The following KCNQ5 variants were observed in gnomAD, a reference collection of about 807,000 sequenced individuals.
KCNQ5 encodes potassium voltage-gated channel subfamily Q member 5, also known as potassium voltage-gated channel subfamily KQT member 5.
In KCNQ5, 30 loss-of-function variants were observed where a neutral mutation model predicts 98.2. The ratio of observed to expected loss-of-function variants is 0.31; its 90% CI spans 0.23 to 0.41. KCNQ5 has a LOEUF of 0.41. Among genes scored for constraint, KCNQ5 ranks in the 10% least tolerant of loss-of-function variants. The pLI is 1.00. For synonymous variants in KCNQ5, 458 were observed against 449.4 expected (o/e 1.02, Z -0.24); for missense variants, 835 against 1,182.5 (o/e 0.71, Z 4.31).
At chr6:72,923,540 G>T (rs1053256977) in intron 1 of KCNQ5, among the ~76,000 whole-genome samples, 2 of 152,096 alleles carry the variant, frequency 1.3e-5, no homozygotes, top group Non-Finnish European at 2.9e-5. Context: ...CTTCTTTTGA[G>T]AAATTTTTTT....
At chr6:73,001,583 G>A (rs1442414121) in intron 1 of KCNQ5, among the ~76,000 whole-genome samples, 1 of 152,172 alleles carries the variant, frequency 6.6e-6, no homozygotes, top group Non-Finnish European at 1.5e-5. Context: ...GCTTTTCCAA[G>A]TGTTTTCTGG....
chr6:72,718,781 T>A (rs1276308283), intron 1 of KCNQ5, among the ~76,000 whole-genome samples: 1 of 152,176 alleles, frequency 6.6e-6, no homozygotes, highest in Admixed American at 6.5e-5. Context: ...TTTGAAATAC[T>A]TTCATGCATT....
chr6:72,818,684 TA>T (rs1306245937), intron 1 of KCNQ5, among the ~76,000 whole-genome samples: 8 of 151,468 alleles, frequency 5.3e-5, no homozygotes, highest in African/African-American at 1.7e-4. Context: ...ATTTTTGAGA[TA>T]TTTTGGAACT....
intron 1 of KCNQ5, among the ~76,000 whole-genome samples, chr6:72,820,117 G>T (rs1775684243): frequency 6.6e-6 from 1 of 152,224 alleles, no homozygotes; most frequent in African/African-American, 2.4e-5. Context: ...CCACTCTGCA[G>T]TAAGAATTGT....
At chr6:72,999,607 T>C (rs1228526502) in intron 1 of KCNQ5, among the ~76,000 whole-genome samples, 1 of 152,230 alleles carries the variant, frequency 6.6e-6, no homozygotes, top group Non-Finnish European at 1.5e-5. Context: ...ACAGATGTCT[T>C]AATTTTTATG....
At chr6:72,955,141 AG>A (rs1766981932) in intron 1 of KCNQ5, among the ~76,000 whole-genome samples, 1 of 152,230 alleles carries the variant, frequency 6.6e-6, no homozygotes, top group African/African-American at 2.4e-5. Flanking sequence ...TATTTTCACA[AG>A]CAATTGTTCC....
At chr6:72,756,298 C>A (rs1199981296) in intron 1 of KCNQ5, among the ~76,000 whole-genome samples, 1 of 152,180 alleles carries the variant, frequency 6.6e-6, no homozygotes, top group African/African-American at 2.4e-5. Context: ...TTTTGTACAT[C>A]TTCTGGCTTT....
chr6:72,639,929 T>C (rs1394729139), intron 1 of KCNQ5, among the ~76,000 whole-genome samples: 2 of 152,082 alleles, frequency 1.3e-5, no homozygotes, highest in East Asian at 1.9e-4. Flanking sequence ...CCTGGAGTTA[T>C]GGTAAATAAA....
chr6:72,905,785 G>C (rs1196557481), intron 1 of KCNQ5, among the ~76,000 whole-genome samples: 1 of 152,118 alleles, frequency 6.6e-6, no homozygotes. Context: ...ACCAGCACCT[G>C]TTCCAGTAGA....
chr6:72,775,066 C>G (rs986675928), intron 1 of KCNQ5, among the ~76,000 whole-genome samples: 15 of 152,142 alleles, frequency 9.9e-5, no homozygotes, highest in Non-Finnish European at 4.4e-5. Flanking sequence ...ATCCAATGCA[C>G]AGCAACAGAA....
At chr6:73,135,864 A>T (rs2150461013) in intron 10 of KCNQ5, 1 of 152,336 alleles carries the variant, frequency 6.6e-6, no homozygotes, top group South Asian at 2.1e-4. Context: ...CTTCTCCCTG[A>T]GTCTTTACAT....
At chr6:73,090,500 A>G (rs965598380) in intron 5 of KCNQ5, among the ~76,000 whole-genome samples, 12 of 152,282 alleles carry the variant, frequency 7.9e-5, no homozygotes, top group Middle Eastern at 3.4e-3. Context: ...CAATGTATAG[A>G]AGGGTTTCTC....
At chr6:72,635,740 A>G (rs1054728172) in intron 1 of KCNQ5, among the ~76,000 whole-genome samples, 20 of 104,928 alleles carry the variant, frequency 1.9e-4, no homozygotes, top group African/African-American at 7.7e-4. Context: ...GTTTCTCCCC[A>G]TTTCTTTGTA....
intron 1 of KCNQ5, among the ~76,000 whole-genome samples, chr6:72,808,767 T>G (rs912495186): frequency 6.6e-6 from 1 of 151,878 alleles, no homozygotes; most frequent in African/African-American, 2.4e-5. Context: ...ACCAACATAG[T>G]GAAACCCAGT....
intron 1 of KCNQ5, among the ~76,000 whole-genome samples, chr6:72,867,163 T>A (rs1421135250): frequency 5.9e-5 from 9 of 152,216 alleles, no homozygotes; most frequent in African/African-American, 2.2e-4. Flanking sequence ...AGGAAATAAG[T>A]TACTGAATTG....
chr6:72,734,848 T>C (rs1262346123), intron 1 of KCNQ5, among the ~76,000 whole-genome samples: 2 of 152,224 alleles, frequency 1.3e-5, no homozygotes, highest in African/African-American at 4.8e-5. Flanking sequence ...GAGATCAATT[T>C]TCTCAGCTAT....
intron 3 of KCNQ5, 89 bp from the exon 4 acceptor site, chr6:73,077,233 G>A (rs2150391381): frequency 7.6e-7 from 1 of 1,307,622 alleles, no homozygotes; most frequent in East Asian, 2.3e-5. Context: ...ACCTTAAATA[G>A]GTCAAAGTGA....
At chr6:72,984,496 T>C (rs1418564972) in intron 1 of KCNQ5, among the ~76,000 whole-genome samples, 1 of 152,208 alleles carries the variant, frequency 6.6e-6, no homozygotes, top group Non-Finnish European at 1.5e-5. Context: ...CAAGGCTCCA[T>C]AGGCGTGAGA....
At chr6:73,066,348 A>G (rs1320014848) in intron 3 of KCNQ5, among the ~76,000 whole-genome samples, 2 of 151,958 alleles carry the variant, frequency 1.3e-5, no homozygotes, top group Admixed American at 6.6e-5. Flanking sequence ...TTTTGTCACT[A>G]CCTAACATTA....
Sources: allele counts gnomAD v4.1 joint callset (sites outside exome capture counted in the v4.1 genomes callset), GRCh38; gene constraint gnomAD v4.1.1; transcripts MANE v1.5; gene names NCBI Gene and HGNC (gene_info 2026-07-23, HGNC 2026-07-21).